Variants in NIBAN2 observed in about 807,000 individuals in gnomAD.
NIBAN2 encodes niban apoptosis regulator 2.
In NIBAN2, 36 loss-of-function variants were observed where a neutral mutation model predicts 81.8. That is an observed-to-expected ratio of 0.44 (90% CI 0.34 to 0.58). The LOEUF (loss-of-function observed/expected upper bound fraction) is 0.58, where lower values mean the gene tolerates loss of function less well. Among genes scored for constraint, NIBAN2 ranks in the 20% least tolerant of loss-of-function variants. NIBAN2 has a pLI of 0.02. For synonymous variants in NIBAN2, 445 were observed against 441.6 expected, an observed-to-expected ratio of 1.01 and a Z score of -0.10; for missense variants, 897 against 1,014.1, an observed-to-expected ratio of 0.88 and a Z score of 1.57.
chr9:127,523,409 G>A (rs1454702303), intron 5 of NIBAN2, among the ~76,000 whole-genome samples: 1 of 151,118 alleles, frequency 6.6e-6, no homozygotes, highest in Non-Finnish European at 1.5e-5. Context: ...AATCAGGATT[G>A]TGACTTTGTG....
chr9:127,508,825 G>T lies in NIBAN2; in HGVS notation c.1317+151C>A. The T allele has an allele frequency of 1.1e-6, 1 of 897,192 alleles. No homozygotes were observed. The highest frequency in any genetic ancestry group is 1.7e-6 in the Non-Finnish European group (1 of 573,082). 55.6% of individuals were successfully genotyped at this position (897,192 alleles called of 1,614,324 possible). On this transcript the variant is annotated intron_variant, in intron 10 of 13. Coordinates refer to ENST00000373312, the MANE Select transcript of NIBAN2 (RefSeq NM_022833.4). This position sits in a 1 kb window ranked among gnomAD's most constrained non-coding sequence, Gnocchi z 6.4. ...AGTCAGAATTAGCCAGGTGGGCAGAGGCACAGATGTTCCAAGCAGAGGAGG... is the reference window on the plus strand; with the variant it reads ...AGTCAGAATTAGCCAGGTGGGCAGATGCACAGATGTTCCAAGCAGAGGAGG...
intron 1 of NIBAN2, 28 bp downstream of exon 1, chr9:127,568,792 G>A: frequency 1.5e-6 from 2 of 1,291,652 alleles, no homozygotes; most frequent in South Asian, 2.2e-5. Context: ...CAGGCCCCTG[G>A]GCGCGCGTGG....
At chr9:127,569,548 C>T (rs1224416676), upstream of NIBAN2, among the ~76,000 whole-genome samples, 1 of 152,008 alleles carries the variant, frequency 6.6e-6, no homozygotes, top group African/African-American at 2.4e-5. Flanking sequence ...GGATGTGGGG[C>T]ACTGGCAGGG....
Position 127,536,038 on chromosome 9 carries a change from C to T in NIBAN2, c.56-4260G>A, listed in dbSNP as rs1464665667. 5.3e-5 allele frequency among the ~76,000 whole-genome samples: 8 copies of T among 152,064 alleles called. No individual in the cohort carries two copies. The highest frequency in any genetic ancestry group is 8.8e-5 in the Non-Finnish European group (6 of 68,010). On this transcript the variant is annotated intron_variant, in intron 1 of 13. Transcript: ENST00000373312. This position sits in a 1 kb window ranked among gnomAD's most constrained non-coding sequence, Gnocchi z 4.0. ...CCAGCTCCGCTCAGAAGAAGGGTGG[C>T]GACCACGGGAGAGCTAGAAAGGGAG...
intron 1 of NIBAN2, among the ~76,000 whole-genome samples, chr9:127,544,848 G>C (rs1429367530): frequency 6.6e-6 from 1 of 152,196 alleles, no homozygotes; most frequent in Admixed American, 6.5e-5. Flanking sequence ...TCCCTGCCAT[G>C]GCACATTCCC....
intron 2 of NIBAN2, among the ~76,000 whole-genome samples, chr9:127,527,659 T>C (rs1240232409): frequency 6.6e-6 from 1 of 152,120 alleles, no homozygotes. Context: ...ACCGCTACCT[T>C]GGAAGGGTCT....
At chr9:127,530,259 C>G (rs1477133632) in intron 2 of NIBAN2, among the ~76,000 whole-genome samples, 1 of 152,240 alleles carries the variant, frequency 6.6e-6, no homozygotes, top group East Asian at 1.9e-4. Context: ...TTTTCTGGGT[C>G]AAAAAGCAAA....
intron 1 of NIBAN2, among the ~76,000 whole-genome samples, chr9:127,547,146 C>A (rs1236899552): frequency 6.6e-6 from 1 of 152,176 alleles, no homozygotes; most frequent in East Asian, 1.9e-4. Context: ...CAGTTCAAAT[C>A]CTAACTCCAC....
At chr9:127,509,224 C>T (rs867159278) in intron 9 of NIBAN2, 93 bp from the exon 10 acceptor site, 2 of 1,310,960 alleles carry the variant, frequency 1.5e-6, no homozygotes, top group African/African-American at 2.9e-5. Context: ...GAAGTCCAGG[C>T]CCTGGGGCTG....
In NIBAN2 at chr9:127,523,858, G is replaced by A. The variant is rs1388675927; in HGVS notation, c.422-12C>T. On this transcript the variant is annotated splice_polypyrimidine_tract_variant and intron_variant, in intron 4 of 13. Coordinates refer to ENST00000373312, the MANE Select transcript of NIBAN2 (RefSeq NM_022833.4). ...CTTTGCCGTGGTCCCTGTGGAGACA[G>A]TGCCTGATGAGCAGCTGCCCTCTGT... 6.2e-7 allele frequency: 1 copy of A among 1,602,616 alleles called. No individual in the cohort carries two copies. Among genetic ancestry groups the A allele is most frequent in the Admixed American group, 1.7e-5 (1 of 59,856 alleles).
chr9:127,522,698 T>C (rs981183447), intron 5 of NIBAN2, among the ~76,000 whole-genome samples: 1 of 151,938 alleles, frequency 6.6e-6, no homozygotes, highest in African/African-American at 2.4e-5. Context: ...TACCTCTGCC[T>C]GGAACACTCC....
In NIBAN2 at chr9:127,516,921, G is replaced by A. The variant is rs775843673; in HGVS notation, c.909C>T (p.Ala303=). The change falls in exon 8 of 14, where the codon GCC becomes GCT. Residue 303 remains alanine (A), a synonymous_variant. Transcript: ENST00000373312. ...TTTGGTCCATGTCAGTTCGGATGAC[G>A]GCCTGCATGGCCGGCTGCACCTGCT... is the stretch of plus-strand genomic sequence containing the variant. The part of the protein sequence containing the change: ...KVQQVQPAMQ[A]VIRTDMDQII... 1.2e-5 allele frequency: 20 copies of A among 1,614,050 alleles called. No individual in the cohort carries two copies. Among genetic ancestry groups the A allele is most frequent in the Middle Eastern group, 1.6e-4 (1 of 6,082 alleles).
chr9:127,559,158 T>C lies in NIBAN2; in HGVS notation c.55+9662A>G, dbSNP rs149622852. Among the ~76,000 whole-genome samples, 33 of 152,312 alleles carry C rather than the reference T, an allele frequency of 2.2e-4. No homozygotes were observed. The highest frequency in any genetic ancestry group is 7.9e-4 in the African/African-American group (33 of 41,552). ...ACAGCACATCCAGCTTGATGGAACC[T>C]TCTTGGCTGGCATGAGTTCCATGAG... On this transcript the variant is annotated intron_variant, in intron 1 of 13. Coordinates refer to ENST00000373312, the MANE Select transcript of NIBAN2 (RefSeq NM_022833.4). This position sits in a 1 kb window ranked among gnomAD's most constrained non-coding sequence, Gnocchi z 4.0.
In NIBAN2 at chr9:127,527,185, A is replaced by C. The variant is rs765621668; in HGVS notation, c.315+9T>G. 1.9e-6 allele frequency: 3 copies of C among 1,612,448 alleles called. No individual in the cohort carries two copies. The East Asian group carries it at 6.7e-5, about 36-fold the overall frequency. The stretch of plus-strand genomic sequence containing the variant: ...GAGGCTCAGTGTGGCGCCCGGGGCC[A>C]GGCCTCACCGCTTTGTTTTCGTAGA... On this transcript the variant is annotated intron_variant, in intron 3 of 13. Transcript: ENST00000373312.
chr9:127,539,265 AC>A (rs1252553221), intron 1 of NIBAN2, among the ~76,000 whole-genome samples: 2 of 152,022 alleles, frequency 1.3e-5, no homozygotes, highest in Non-Finnish European at 2.9e-5. Flanking sequence ...ACAGAGCCCT[AC>A]CCCGCAAAGC....
chr9:127,534,236 C>G (rs1837234466), intron 1 of NIBAN2, among the ~76,000 whole-genome samples: 1 of 152,224 alleles, frequency 6.6e-6, no homozygotes, highest in African/African-American at 2.4e-5. Context: ...GTTTCAAAGA[C>G]CTGGTCCTTT....
intron 5 of NIBAN2, 80 bp from the exon 6 acceptor site, chr9:127,518,021 A>C: frequency 2.4e-6 from 2 of 824,168 alleles, no homozygotes; most frequent in Non-Finnish European, 3.8e-6. Context: ...AACTGACCAA[A>C]ACCCCCCCCA....
intron 1 of NIBAN2, among the ~76,000 whole-genome samples, chr9:127,562,234 A>G (rs936031170): frequency 2.0e-5 from 3 of 152,068 alleles, no homozygotes; most frequent in Non-Finnish European, 4.4e-5. Context: ...CCTCTCTTGG[A>G]GGCCTTTTTC....
chr9:127,530,006 C>T (rs182766668), intron 2 of NIBAN2, among the ~76,000 whole-genome samples: 1 of 152,356 alleles, frequency 6.6e-6, no homozygotes, highest in African/African-American at 2.4e-5. Flanking sequence ...ATGCTTCACG[C>T]CCTCAGCCAG....
Sources: gnomAD v4.1 joint callset for allele counts (sites outside exome capture counted in the v4.1 genomes callset) on GRCh38, gnomAD v4.1.1 for gene constraint, Gnocchi (gnomAD v3.1) non-coding constraint, MANE v1.5 for transcripts, NCBI Gene and HGNC (gene_info 2026-07-23, HGNC 2026-07-21) for gene names.